Variants in FNDC3B observed in about 807,000 individuals in gnomAD.
FNDC3B encodes the protein fibronectin type III domain-containing protein 3B.
In FNDC3B, 12 loss-of-function variants were observed where a neutral mutation model predicts 151.5. The ratio of observed to expected loss-of-function variants is 0.08; its 90% confidence interval spans 0.05 to 0.13. FNDC3B has a LOEUF of 0.13. FNDC3B is among the 10% of genes least tolerant of loss of function. The probability of loss-of-function intolerance (pLI) is 1.00; values close to 1 mark genes in which losing one functional copy is unlikely to be tolerated. For synonymous variants in FNDC3B, 528 were observed against 549.0 expected (o/e 0.96, Z 0.54); for missense variants, 1,214 against 1,505.3 (o/e 0.81, Z 3.20).
chr3:172,129,715 A>G (rs1256694896), intron 2 of FNDC3B, among the ~76,000 whole-genome samples: 1 of 152,220 alleles, frequency 6.6e-6, no homozygotes, highest in Non-Finnish European at 1.5e-5. Flanking sequence ...GATCTGATGA[A>G]GCAATAGTAG....
At chr3:172,146,793 C>T (rs73167222) in intron 3 of FNDC3B, among the ~76,000 whole-genome samples, 4 of 152,268 alleles carry the variant, frequency 2.6e-5, no homozygotes, top group African/African-American at 9.6e-5. Context: ...ATTAAAATTG[C>T]TTTTTAGCTT....
intron 25 of FNDC3B, among the ~76,000 whole-genome samples, chr3:172,383,742 T>C (rs1251111374): frequency 6.6e-6 from 1 of 152,206 alleles, no homozygotes. Context: ...GATAAGAAAT[T>C]AGTTTTATCA....
At chr3:172,149,744 T>A (rs1298216397) in intron 3 of FNDC3B, among the ~76,000 whole-genome samples, 3 of 151,670 alleles carry the variant, frequency 2.0e-5, no homozygotes, top group African/African-American at 7.3e-5. Flanking sequence ...TCCAGTGTGA[T>A]TTCTCTTGTT....
At chr3:172,383,655 A>G (rs2108377536) in intron 25 of FNDC3B, among the ~76,000 whole-genome samples, 1 of 152,332 alleles carries the variant, frequency 6.6e-6, no homozygotes, top group South Asian at 2.1e-4. Context: ...TGGTCCATGG[A>G]CCATAATTTG....
intron 1 of FNDC3B, among the ~76,000 whole-genome samples, chr3:172,041,798 C>A (rs781208289): frequency 1.3e-5 from 2 of 152,066 alleles, no homozygotes; most frequent in Non-Finnish European, 2.9e-5. Context: ...GCCCTTGGTT[C>A]CCCCTCATTG....
At chr3:172,135,627 A>G (rs73167212) in intron 3 of FNDC3B, among the ~76,000 whole-genome samples, 16,537 of 152,084 alleles carry the variant, frequency 0.11, 994 homozygotes, top group South Asian at 0.22. Context: ...AACTGAAATG[A>G]CACAGGATGG....
chr3:172,180,410 G>A (rs1723831942), intron 3 of FNDC3B, among the ~76,000 whole-genome samples: 1 of 152,112 alleles, frequency 6.6e-6, no homozygotes, highest in African/African-American at 2.4e-5. Context: ...ATGCACTGTG[G>A]TCTTTAGATA....
At chr3:172,248,532 G>T (rs1727902136) in intron 5 of FNDC3B, among the ~76,000 whole-genome samples, 1 of 152,004 alleles carries the variant, frequency 6.6e-6, no homozygotes, top group African/African-American at 2.4e-5. Context: ...TAGCCTCTAG[G>T]ACTTTGCAAA....
intron 2 of FNDC3B, among the ~76,000 whole-genome samples, chr3:172,128,127 A>G (rs1430671576): frequency 6.6e-6 from 1 of 152,086 alleles, no homozygotes; most frequent in East Asian, 1.9e-4. Flanking sequence ...TTCACCTACA[A>G]TGTGTACCCT....
chr3:172,197,058 G>A (rs1269058553), intron 3 of FNDC3B, among the ~76,000 whole-genome samples: 1 of 152,068 alleles, frequency 6.6e-6, no homozygotes, highest in Non-Finnish European at 1.5e-5. Flanking sequence ...GCATGTGCCT[G>A]TGGTCCCAGC....
At chr3:172,197,592 C>G (rs1239476533) in intron 3 of FNDC3B, among the ~76,000 whole-genome samples, 4 of 152,190 alleles carry the variant, frequency 2.6e-5, no homozygotes, top group Non-Finnish European at 4.4e-5. Context: ...TATATGTGTC[C>G]TTTAGTTGGT....
Position 172,186,760 on chromosome 3 carries a change from T to A in FNDC3B, c.188-40111T>A, listed in dbSNP as rs745383909. 3.0e-5 allele frequency: 21 copies of A among 702,334 alleles called. No individual in the cohort carries two copies. The Middle Eastern group carries it at 6.8e-4, about 23-fold the overall frequency. 43.5% of individuals were successfully genotyped at this position (702,334 alleles called of 1,614,324 possible). ...GATTGAAGATTTTTTCATCTCAGCT[T>A]TTTCCCCCTTACCTTGTTCTCTCTC... On this transcript the variant is annotated intron_variant, in intron 3 of 25. Coordinates refer to ENST00000415807, the MANE Select transcript of FNDC3B (RefSeq NM_022763.4).
chr3:172,325,132 C>A (rs1224621466), intron 11 of FNDC3B, among the ~76,000 whole-genome samples: 2 of 152,224 alleles, frequency 1.3e-5, no homozygotes, highest in Admixed American at 6.5e-5. Context: ...TCATTGATGA[C>A]AACAGGTCTG....
chr3:172,319,356 A>C (rs1370814566), intron 11 of FNDC3B, among the ~76,000 whole-genome samples: 2 of 152,174 alleles, frequency 1.3e-5, no homozygotes, highest in Non-Finnish European at 2.9e-5. Context: ...CGATCCTCTC[A>C]AAGCATTTGA....
chr3:172,111,622 G>T (rs1719973853), intron 1 of FNDC3B, among the ~76,000 whole-genome samples: 1 of 152,022 alleles, frequency 6.6e-6, no homozygotes, highest in African/African-American at 2.4e-5. Context: ...ACTTTTTTTG[G>T]GTGGGATGGA....
rs561880543 is a variant in FNDC3B at position 172,380,508 on chromosome 3, A to G, written c.3176-458A>G. Among the ~76,000 whole-genome samples, 5 of 152,056 alleles carry G rather than the reference A, an allele frequency of 3.3e-5. No homozygotes were observed. In the East Asian group the frequency reaches 9.7e-4, roughly 29 times the overall value. On this transcript the variant is annotated intron_variant, in intron 24 of 25. Coordinates refer to ENST00000415807, the MANE Select transcript of FNDC3B (RefSeq NM_022763.4). ...TCTTTTCCTCCTCTGGAAATTCCCA[A>G]CGTTTTGTTTGTACCTCTCATTTTT...
intron 12 of FNDC3B, chr3:172,330,249 C>G: frequency 3.9e-6 from 1 of 254,654 alleles, no homozygotes; most frequent in South Asian, 1.0e-4. Context: ...CAATATAATG[C>G]CCACACGTCA....
At chr3:172,351,815 A>G (rs1576938105) in intron 21 of FNDC3B, among the ~76,000 whole-genome samples, 1 of 152,246 alleles carries the variant, frequency 6.6e-6, no homozygotes, top group Non-Finnish European at 1.5e-5. Context: ...GAGGAGGGAA[A>G]CCACAGGAGA....
intron 1 of FNDC3B, among the ~76,000 whole-genome samples, chr3:172,045,784 C>A (rs1383015206): frequency 2.3e-3 from 341 of 146,330 alleles, no homozygotes; most frequent in African/African-American, 8.5e-3. Context: ...CTCTCTCTCT[C>A]TCTCTCTCTC....
Sources: allele counts gnomAD v4.1 joint callset (sites outside exome capture counted in the v4.1 genomes callset), GRCh38; gene constraint gnomAD v4.1.1; transcripts MANE v1.5; gene names NCBI Gene and HGNC (gene_info 2026-07-23, HGNC 2026-07-21).